PPP1R13B: variants seen among roughly 807,000 people sequenced by gnomAD.
PPP1R13B encodes the protein protein phosphatase 1 regulatory subunit 13B.
In PPP1R13B, 44 loss-of-function variants were observed where a neutral mutation model predicts 119.8. That is an observed-to-expected ratio of 0.37 (90% CI 0.29 to 0.47). The LOEUF (loss-of-function observed/expected upper bound fraction) is 0.47. Among genes scored for constraint, PPP1R13B ranks in the 20% least tolerant of loss-of-function variants. PPP1R13B has a pLI of 0.99. For missense variants in PPP1R13B, 1,227 were observed against 1,413.5 expected (o/e 0.87, Z 2.12); for synonymous variants, 542 against 561.5 (o/e 0.97, Z 0.49).
intron 9 of PPP1R13B, among the ~76,000 whole-genome samples, chr14:103,745,956 C>A (rs1044253349): frequency 1.3e-5 from 2 of 152,168 alleles, no homozygotes. Context: ...CAGGTGCACG[C>A]CACCACGCCC....
At chr14:103,753,472 C>T (rs1203423732) in intron 6 of PPP1R13B, among the ~76,000 whole-genome samples, 4 of 152,094 alleles carry the variant, frequency 2.6e-5, no homozygotes, top group African/African-American at 9.7e-5. Context: ...TCTCTGAGAC[C>T]AAAGGTTTTG....
chr14:103,819,786 C>A (rs1314946198), intron 1 of PPP1R13B, among the ~76,000 whole-genome samples: 6 of 152,076 alleles, frequency 3.9e-5, no homozygotes, highest in Non-Finnish European at 5.9e-5. Context: ...TTAGGCTATC[C>A]CTCCAGAGTC....
chr14:103,781,704 T>A (rs2085339034), intron 3 of PPP1R13B, among the ~76,000 whole-genome samples: 1 of 152,116 alleles, frequency 6.6e-6, no homozygotes, highest in Non-Finnish European at 1.5e-5. Flanking sequence ...CAGGCTGGAG[T>A]GTAGTGGCGC....
At chr14:103,780,461 T>C (rs1440156297) in intron 3 of PPP1R13B, among the ~76,000 whole-genome samples, 1 of 111,940 alleles carries the variant, frequency 8.9e-6, no homozygotes, top group Non-Finnish European at 1.7e-5. Context: ...CACTCCAGCC[T>C]GGGTAACAAG....
At chr14:103,846,716 A>G (rs1275536513) in intron 1 of PPP1R13B, 3 of 456,148 alleles carry the variant, frequency 6.6e-6, no homozygotes, top group Admixed American at 4.7e-5. Context: ...CCACCACTAC[A>G]AACGAACCTC....
rs551671681 is a variant in PPP1R13B, at chr14:103,804,557, T to C, written c.10-7039A>G. 1.1e-4 allele frequency among the ~76,000 whole-genome samples: 16 copies of C among 152,142 alleles called. No individual in the cohort carries two copies. In the East Asian group the frequency reaches 3.1e-3, roughly 29 times the overall value. On this transcript the variant is annotated intron_variant, in intron 1 of 16. Coordinates refer to ENST00000202556, the MANE Select transcript of PPP1R13B (RefSeq NM_015316.3). ...GGGCAACATGGTGAGACCCCATCTC[T>C]ACTAAAAACTAAATAAATGAATAAA...
rs554731979 is a variant in PPP1R13B, at chr14:103,740,451, G to A, written c.1965C>T (p.Ala655=). 19 of 1,607,772 alleles carry A rather than the reference G, an allele frequency of 1.2e-5. No homozygotes were observed. The highest frequency in any genetic ancestry group is 9.3e-5 in the African/African-American group (7 of 74,946). ...CCACGGTGCTGCCATCTGCGGGGGCGGCGGGGCCATCCTGCTCAGGCTCTT... is the reference window on the plus strand; with the variant it reads ...CCACGGTGCTGCCATCTGCGGGGGCAGCGGGGCCATCCTGCTCAGGCTCTT... ...TEKEPEQDGP[A]APADGSTVES... Residue 655 remains alanine (A), a synonymous_variant, in exon 12 of 17, where the codon GCC becomes GCT. Coordinates refer to ENST00000202556, the MANE Select transcript of PPP1R13B (RefSeq NM_015316.3). This position sits in a 1 kb window ranked among gnomAD's most constrained non-coding sequence, Gnocchi z 4.6.
intron 4 of PPP1R13B, among the ~76,000 whole-genome samples, 195 bp from the exon 5 acceptor site, chr14:103,757,946 T>C (rs1431270111): frequency 3.9e-5 from 6 of 152,244 alleles, no homozygotes; most frequent in African/African-American, 1.4e-4. Flanking sequence ...GTTTTTCTAA[T>C]GCATAAACAT....
upstream of PPP1R13B, chr14:103,848,433 C>A (rs1461112549): frequency 2.0e-6 from 2 of 985,480 alleles, no homozygotes; most frequent in Non-Finnish European, 2.4e-6. Context: ...CCTGAGCAGA[C>A]CCTCAGTAAA....
intron 1 of PPP1R13B, among the ~76,000 whole-genome samples, chr14:103,823,238 C>T: frequency 6.6e-6 from 1 of 151,808 alleles, no homozygotes; most frequent in South Asian, 2.1e-4. Flanking sequence ...ACTTGGGAGG[C>T]TGAGGCAGGA....
chr14:103,815,685 G>T (rs1227806148), intron 1 of PPP1R13B, among the ~76,000 whole-genome samples: 3 of 151,860 alleles, frequency 2.0e-5, no homozygotes, highest in Non-Finnish European at 4.4e-5. Context: ...AAACTGGAAG[G>T]TGGAGGTTGC....
chr14:103,763,452 T>C (rs1479446321), intron 4 of PPP1R13B, among the ~76,000 whole-genome samples: 3 of 152,104 alleles, frequency 2.0e-5, no homozygotes, highest in Non-Finnish European at 4.4e-5. Flanking sequence ...TTATCTTTAA[T>C]TATCCTATGT....
Position 103,746,424 on chromosome 14 carries a change from G to A in PPP1R13B, c.1099C>T (p.Pro367Ser), listed in dbSNP as rs766512615. 10 of 1,613,964 alleles carry A rather than the reference G, an allele frequency of 6.2e-6. No homozygotes were observed. The South Asian group carries it at 1.1e-4, about 18-fold the overall frequency. Residue 367 changes from proline to serine, a missense_variant, in exon 9 of 17, where the codon CCC becomes TCC. Physicochemically the swap from Pro to Ser is moderately conservative, Grantham distance 74. Coordinates refer to ENST00000202556, the MANE Select transcript of PPP1R13B (RefSeq NM_015316.3). ...TTTGAGGCAATACTGAGAGACTGGG[G>A]CTTTATAGGGTCCCCCAGCACAGGA... ...SFPVLGDPIK[P>S]QSLSIASNAA...
chr14:103,832,344 T>G (rs1407710723), intron 1 of PPP1R13B, among the ~76,000 whole-genome samples: 1 of 152,106 alleles, frequency 6.6e-6, no homozygotes, highest in East Asian at 1.9e-4. Context: ...AAGCTATACC[T>G]CTGTATGATT....
At chr14:103,847,694 G>C (rs1342433295), upstream of PPP1R13B, 3 of 893,872 alleles carry the variant, frequency 3.4e-6, no homozygotes, top group African/African-American at 5.4e-5. Context: ...CGGGGAGAGG[G>C]GCGGGGCTTC....
At chr14:103,764,619 G>A (rs1298693060) in intron 4 of PPP1R13B, 1 of 168,108 alleles carries the variant, frequency 5.9e-6, no homozygotes, top group Non-Finnish European at 1.3e-5. Context: ...CTCAATTTCT[G>A]TTATTCATTG....
intron 1 of PPP1R13B, among the ~76,000 whole-genome samples, chr14:103,809,604 C>A (rs746891035): frequency 6.6e-6 from 1 of 151,856 alleles, no homozygotes; most frequent in African/African-American, 2.4e-5. Context: ...GCAGGCTGCT[C>A]GAGCTCAGGA....
At chr14:103,774,507 A>G (rs140839955) in intron 4 of PPP1R13B, among the ~76,000 whole-genome samples, 15 of 152,336 alleles carry the variant, frequency 9.8e-5, no homozygotes, top group African/African-American at 3.4e-4. Context: ...TAGCATAATG[A>G]CAAACCAGCA....
intron 7 of PPP1R13B, among the ~76,000 whole-genome samples, chr14:103,750,516 G>A (rs902294092): frequency 2.0e-5 from 3 of 152,210 alleles, no homozygotes; most frequent in Non-Finnish European, 4.4e-5. Flanking sequence ...TACTCAACAG[G>A]ACGTAAAATG....
Sources: allele counts gnomAD v4.1 joint callset (sites outside exome capture counted in the v4.1 genomes callset), GRCh38; gene constraint gnomAD v4.1.1; non-coding constraint Gnocchi (gnomAD v3.1); transcripts MANE v1.5; gene names NCBI Gene and HGNC (gene_info 2026-07-23, HGNC 2026-07-21).